Variants in NSD1 observed in about 807,000 individuals in gnomAD.
NSD1 encodes nuclear receptor binding SET domain protein 1, also known as histone-lysine N-methyltransferase, H3 lysine-36 specific.
In NSD1, 26 loss-of-function variants were observed where a neutral mutation model predicts 242.7. The observed-to-expected ratio is 0.11, with a 90% CI of 0.08 to 0.15. NSD1 has a LOEUF of 0.15. Ranked by LOEUF, NSD1 falls within the 10% of genes least tolerant of loss-of-function variation. The probability of loss-of-function intolerance (pLI) is 1.00; values close to 1 mark genes in which losing one functional copy is unlikely to be tolerated. For missense variants in NSD1, 2,495 were observed against 3,272.8 expected (o/e 0.76, Z 5.80); for synonymous variants, 1,106 against 1,178.1 (o/e 0.94, Z 1.25).
chr5:177,181,036 T>C lies in NSD1; in HGVS notation c.928-10848T>C, dbSNP rs553316115. Among the ~76,000 whole-genome samples, 255 of 151,252 alleles carry C rather than the reference T, an allele frequency of 1.7e-3. 1 individual carries two copies. Among genetic ancestry groups the C allele is most frequent in the Middle Eastern group, 3.4e-3 (1 of 294 alleles). On this transcript the variant is annotated intron_variant, in intron 2 of 22. Coordinates refer to ENST00000439151, the MANE Select transcript of NSD1 (RefSeq NM_022455.5). Reference sequence around the variant, plus strand: ...CATTTTGTAGATGAGCAAAAAAATGTGGTTTCTTTTTTTTTTTTTTGAGAT... The same window carrying C: ...CATTTTGTAGATGAGCAAAAAAATGCGGTTTCTTTTTTTTTTTTTTGAGAT...
At position 177,135,134 on chromosome 5, in the gene NSD1, A is replaced by T; in HGVS notation, c.31A>T (p.Asn11Tyr). Residue 11 changes from asparagine (N) to tyrosine (Y), a missense_variant, in exon 2 of 23, where the codon AAT becomes TAT. Asn to Tyr is a moderately radical substitution (Grantham distance 143, BLOSUM62 -2). Transcript: ENST00000439151. The stretch of plus-strand genomic sequence containing the variant: ...TCAGACCTGTGAACTACCCAGAAGA[A>T]ATTGTCTGCTGCCCTTTTCCAATCC... MDQTCELPRR[N>Y]CLLPFSNPVN... 1 of 1,614,186 alleles carries T rather than the reference A, an allele frequency of 6.2e-7. No homozygotes were observed. The highest frequency in any genetic ancestry group is 8.5e-7 in the Non-Finnish European group (1 of 1,180,032).
intron 17 of NSD1, among the ~76,000 whole-genome samples, chr5:177,277,445 A>G (rs1313952737): frequency 6.6e-6 from 1 of 152,078 alleles, no homozygotes; most frequent in Non-Finnish European, 1.5e-5. Context: ...ATGGCCTGCA[A>G]AGCCTGAAGT....
chr5:177,293,534 G>GCCCCCCCCCCCCC (rs149890561), intron 22 of NSD1, among the ~76,000 whole-genome samples: 2 of 78,492 alleles, frequency 2.5e-5, no homozygotes, highest in Non-Finnish European at 4.9e-5. Context: ...CCCCACCCCC[G>GCCCCCCCCCCCCC]CCCCCCCCTC....
At chr5:177,158,258 T>C (rs543108381) in intron 2 of NSD1, among the ~76,000 whole-genome samples, 3 of 84,964 alleles carry the variant, frequency 3.5e-5, no homozygotes, top group South Asian at 9.7e-4. Context: ...TCTTTCTTTC[T>C]TTCTTTCTTT....
intron 2 of NSD1, among the ~76,000 whole-genome samples, chr5:177,165,678 G>T (rs933712756): frequency 6.6e-6 from 1 of 151,826 alleles, no homozygotes; most frequent in Non-Finnish European, 1.5e-5. Flanking sequence ...CTACAGCCTC[G>T]ACTTCCCTGG....
At chr5:177,259,765 G>A (rs1015577946) in intron 13 of NSD1, among the ~76,000 whole-genome samples, 1 of 152,118 alleles carries the variant, frequency 6.6e-6, no homozygotes, top group African/African-American at 2.4e-5. Flanking sequence ...GTTGAAGCAG[G>A]CTCACTGACA....
At chr5:177,195,084 G>A (rs1022186457) in intron 3 of NSD1, among the ~76,000 whole-genome samples, 27 of 152,024 alleles carry the variant, frequency 1.8e-4, no homozygotes, top group East Asian at 9.6e-4. Context: ...GCTTGAGCCC[G>A]GGATGTGGAG....
chr5:177,139,978 G>A (rs1000036439), intron 2 of NSD1, among the ~76,000 whole-genome samples: 15 of 151,926 alleles, frequency 9.9e-5, no homozygotes, highest in Admixed American at 9.2e-4. Context: ...TCTTGGCAGT[G>A]GGTAAGAGTA....
intron 20 of NSD1, among the ~76,000 whole-genome samples, chr5:177,285,433 A>T (rs977812297): frequency 1.8e-4 from 27 of 151,948 alleles, no homozygotes; most frequent in Admixed American, 7.9e-4. Context: ...ACGTGGTGGC[A>T]GGCGCCTGTA....
At chr5:177,187,737 CCTGT>C (rs1196526854) in intron 2 of NSD1, among the ~76,000 whole-genome samples, 2 of 152,126 alleles carry the variant, frequency 1.3e-5, no homozygotes, top group African/African-American at 4.8e-5. Context: ...TCTATTTGTG[CCTGT>C]CTTTGTTTCC....
At chr5:177,192,142 A>G (rs991241493) in intron 3 of NSD1, 123 bp downstream of exon 3, 3 of 844,240 alleles carry the variant, frequency 3.6e-6, no homozygotes, top group Admixed American at 3.1e-5. Flanking sequence ...GGTGTTACAT[A>G]TTTTATCTTT....
intron 22 of NSD1, 100 bp downstream of exon 22, chr5:177,292,258 T>A: frequency 8.5e-7 from 1 of 1,175,178 alleles, no homozygotes. Context: ...CATTTGGTCT[T>A]TCCATGCATA....
chr5:177,265,068 G>A, intron 14 of NSD1: 1 of 756,212 alleles, frequency 1.3e-6, no homozygotes, highest in Admixed American at 1.7e-5. Flanking sequence ...TAAGAGCCAA[G>A]ATAGCTTCCT....
intron 18 of NSD1, among the ~76,000 whole-genome samples, chr5:177,282,118 C>T (rs10476222): frequency 0.079 from 11,951 of 152,186 alleles, 983 homozygotes; most frequent in African/African-American, 0.21. Flanking sequence ...GGAAGATGAA[C>T]ATAGTTTATT....
chr5:177,295,087 C>A lies in NSD1; in HGVS notation c.7719C>A (p.Ser2573=), dbSNP rs775933654. 6.2e-7 allele frequency: 1 copy of A among 1,611,624 alleles called. No individual in the cohort carries two copies. The change falls in exon 23 of 23, where the codon TCC becomes TCA. Residue 2573 remains serine, a synonymous_variant. Transcript: ENST00000439151. The surrounding 1 kb of genome is among the most constrained non-coding windows in gnomAD (Gnocchi z 4.3). The stretch of plus-strand genomic sequence containing the variant: ...AGACCCCAGGGCCTCTTAGCCAATC[C>A]CCGGGCCTGGTGAAGCAGGCGAAGC... The part of the protein sequence containing the change: ...AEQTPGPLSQ[S]PGLVKQAKQM...
rs1294159848 is a variant in NSD1 at position 177,294,065 on chromosome 5, A to G, written c.6697A>G (p.Ser2233Gly). ...CCCAGTACCGCTGCCTCCAGGGCCA[A>G]GCACTCACCTGGCAGAGCAATCAAC... The part of the protein sequence containing the change: ...PPPVPLPPGP[S>G]THLAEQSTGM... The change falls in exon 23 of 23, where the codon AGC (serine) becomes GGC (glycine). Residue 2233 changes from serine (S) to glycine (G), a missense_variant. Transcript: ENST00000439151. 1 of 1,614,100 alleles carries G rather than the reference A, an allele frequency of 6.2e-7. No individual in the cohort carries two copies. The highest frequency in any genetic ancestry group is 1.1e-5 in the South Asian group (1 of 91,080).
chr5:177,228,879 C>T (rs1381636417), intron 5 of NSD1, among the ~76,000 whole-genome samples: 1 of 152,032 alleles, frequency 6.6e-6, no homozygotes, highest in East Asian at 1.9e-4. Flanking sequence ...TCTGTAAATC[C>T]ATTTCGGAGC....
chr5:177,168,450 C>CT (rs916381661), intron 2 of NSD1, among the ~76,000 whole-genome samples: 1,445 of 130,086 alleles, frequency 0.011, 5 homozygotes, highest in African/African-American at 0.018. Flanking sequence ...TTGTTCATTG[C>CT]TTTTTTTTTT....
rs774359539 is a variant in NSD1, at chr5:177,211,059, C to G, written c.2660C>G (p.Pro887Arg). The G allele has an allele frequency of 1.2e-6, 2 of 1,614,170 alleles. No individual in the cohort carries two copies. Among genetic ancestry groups the G allele is most frequent in the Non-Finnish European group, 1.7e-6 (2 of 1,180,030 alleles). The change falls in exon 5 of 23, where the codon CCA (proline) becomes CGA (arginine). Residue 887 changes from proline (P) to arginine (R), a missense_variant. Coordinates refer to ENST00000439151, the MANE Select transcript of NSD1 (RefSeq NM_022455.5). ...TCTGGAACATCAAAGCCATCAAAAC[C>G]ATTACTTTTCTCTTCTGCTTCTAGT... ...SDSGTSKPSK[P>R]LLFSSASSQN...
Sources: gnomAD v4.1 joint callset for allele counts (sites outside exome capture counted in the v4.1 genomes callset) on GRCh38, gnomAD v4.1.1 for gene constraint, Gnocchi (gnomAD v3.1) non-coding constraint, MANE v1.5 for transcripts, NCBI Gene and HGNC (gene_info 2026-07-23, HGNC 2026-07-21) for gene names.